ZSCAN25: variants seen among roughly 807,000 people sequenced by gnomAD.
The protein encoded by ZSCAN25 is zinc finger and SCAN domain-containing protein 25.
In ZSCAN25, 27 loss-of-function variants were observed where a neutral mutation model predicts 38.7. The observed-to-expected ratio is 0.70, with a 90% CI of 0.51 to 0.96. ZSCAN25 has a LOEUF of 0.96. Among genes scored for constraint, ZSCAN25 ranks in the 40% least tolerant of loss-of-function variants. The probability of loss-of-function intolerance (pLI) is 0.00; values close to 1 mark genes in which losing one functional copy is unlikely to be tolerated. For missense variants in ZSCAN25, 637 were observed against 705.9 expected, an observed-to-expected ratio of 0.90 and a Z score of 1.11; for synonymous variants, 273 against 277.7, an observed-to-expected ratio of 0.98 and a Z score of 0.17.
the ZSCAN25 span, among the ~76,000 whole-genome samples, chr7:99,697,344 A>G: frequency 3.9e-5 from 6 of 152,204 alleles, no homozygotes; most frequent in East Asian, 1.9e-4. Context: ...GAGGGGTGGA[A>G]GACTGGAGGA....
the ZSCAN25 span, among the ~76,000 whole-genome samples, chr7:99,658,347 G>A: frequency 3.9e-5 from 6 of 152,212 alleles, no homozygotes; most frequent in African/African-American, 1.4e-4. Flanking sequence ...ATGAAGCTTA[G>A]TTTGGCTGGA....
Position 99,630,689 on chromosome 7 carries a change from T to G in ZSCAN25, c.*669T>G. On this transcript the variant is annotated 3_prime_UTR_variant, in exon 8 of 8. Coordinates refer to ENST00000394152, the MANE Select transcript of ZSCAN25 (RefSeq NM_145115.3). Reference sequence around the variant, plus strand: ...TCTGCTCCCAGGCAACTGTGTGAATTTTACATTATTTGGAGCCTCATCTGT... The same window carrying G: ...TCTGCTCCCAGGCAACTGTGTGAATGTTACATTATTTGGAGCCTCATCTGT... 1 of 984,906 alleles carries G rather than the reference T, an allele frequency of 1.0e-6. No individual in the cohort carries two copies. Among genetic ancestry groups the G allele is most frequent in the Non-Finnish European group, 1.2e-6 (1 of 830,006 alleles). The allele number at this position is 984,906 out of a possible 1,614,324, so 61.0% of individuals were successfully genotyped here.
At chr7:99,731,186 T>C in the ZSCAN25 span, 1 of 1,612,692 alleles carries the variant, frequency 6.2e-7, no homozygotes, top group Non-Finnish European at 8.5e-7. Flanking sequence ...GTCTCAGGGA[T>C]TGTGACTTTA....
At chr7:99,669,175 G>A in the ZSCAN25 span, among the ~76,000 whole-genome samples, 2 of 152,128 alleles carry the variant, frequency 1.3e-5, no homozygotes, top group African/African-American at 4.8e-5. Flanking sequence ...ATGAAAAGTG[G>A]ACAAATGACT....
the ZSCAN25 span, among the ~76,000 whole-genome samples, chr7:99,699,722 T>C: frequency 6.6e-6 from 1 of 152,172 alleles, no homozygotes; most frequent in Non-Finnish European, 1.5e-5. Context: ...TCATTCCCAC[T>C]AACAAATGCT....
chr7:99,625,918 T>A (rs1807426624), intron 7 of ZSCAN25, among the ~76,000 whole-genome samples: 1 of 152,230 alleles, frequency 6.6e-6, no homozygotes. Flanking sequence ...CTGTCCCAGC[T>A]TTCAGGTCTT....
At chr7:99,676,060 A>G in the ZSCAN25 span, 2 of 1,492,012 alleles carry the variant, frequency 1.3e-6, no homozygotes, top group Non-Finnish European at 1.9e-6. Context: ...TACTGATGGA[A>G]CTAAGCTGAT....
Position 99,621,385 on chromosome 7 carries a change from AG to A in ZSCAN25, c.402del (p.Arg134SerfsTer77), listed in dbSNP as rs1562964436. The A allele has an allele frequency of 2.8e-6, 4 of 1,418,332 alleles. No homozygotes were observed. Among genetic ancestry groups the A allele is most frequent in the Non-Finnish European group, 2.8e-6 (3 of 1,071,062 alleles). The allele number at this position is 1,418,332 out of a possible 1,614,324, so 87.9% of individuals were successfully genotyped here. A position where few individuals can be genotyped will look rare whatever the true frequency, so the allele number is the denominator to read the frequency against. On this transcript the variant is annotated frameshift_variant, in exon 5 of 8. Transcript: ENST00000394152. LOFTEE classifies it high-confidence loss of function. ...ALEAKAVPCH[R>X]QGEQEETALC... ...GAACTGTTCTTAGGTTCCATGCCACAGGCAGGGAGAGCAGGAGGAAACAGCA... is the reference window on the plus strand; with the variant it reads ...GAACTGTTCTTAGGTTCCATGCCACAGCAGGGAGAGCAGGAGGAAACAGCA...
At chr7:99,633,711 G>A (rs187664556), downstream of ZSCAN25, among the ~76,000 whole-genome samples, 724 of 152,294 alleles carry the variant, frequency 4.8e-3, 5 homozygotes, top group Non-Finnish European at 7.2e-3. Flanking sequence ...GATTACAGGT[G>A]TGGGCCACTG....
At chr7:99,730,044 G>T in the ZSCAN25 span, among the ~76,000 whole-genome samples, 1 of 152,138 alleles carries the variant, frequency 6.6e-6, no homozygotes, top group Non-Finnish European at 1.5e-5. Context: ...CAAGCCTCAG[G>T]TATGCAGGTC....
chr7:99,640,222 G>A, the ZSCAN25 span, among the ~76,000 whole-genome samples: 7 of 152,156 alleles, frequency 4.6e-5, no homozygotes, highest in African/African-American at 1.4e-4. Context: ...GCAATGGTGC[G>A]ATCTTGGCTT....
chr7:99,640,935 C>T, the ZSCAN25 span, among the ~76,000 whole-genome samples: 1 of 152,174 alleles, frequency 6.6e-6, no homozygotes, highest in Non-Finnish European at 1.5e-5. Flanking sequence ...TTTGCTGCCA[C>T]ATACACTAGC....
the ZSCAN25 span, among the ~76,000 whole-genome samples, chr7:99,703,373 T>C: frequency 1.3e-5 from 2 of 152,340 alleles, no homozygotes; most frequent in Middle Eastern, 6.8e-3. Flanking sequence ...AATATGGTAT[T>C]CATAAGCCAA....
the ZSCAN25 span, among the ~76,000 whole-genome samples, chr7:99,673,301 G>T: frequency 6.6e-6 from 1 of 152,166 alleles, no homozygotes; most frequent in Non-Finnish European, 1.5e-5. Flanking sequence ...TCTCCCACTT[G>T]CTTCTAGTGA....
intron 6 of ZSCAN25, among the ~76,000 whole-genome samples, chr7:99,622,963 C>T (rs765264377): frequency 2.7e-4 from 41 of 152,168 alleles, no homozygotes; most frequent in Non-Finnish European, 1.2e-4. Flanking sequence ...CCTGCCACCT[C>T]GCCTGGCTAA....
At chr7:99,682,625 T>C in the ZSCAN25 span, among the ~76,000 whole-genome samples, 1 of 152,074 alleles carries the variant, frequency 6.6e-6, no homozygotes. Flanking sequence ...TGTGGTTCCA[T>C]ACAAATTTTA....
Position 99,629,695 on chromosome 7 carries a change from G to A in ZSCAN25, c.1310G>A (p.Trp437Ter). 6.2e-7 allele frequency: 1 copy of A among 1,614,120 alleles called. No individual in the cohort carries two copies. Among genetic ancestry groups the A allele is most frequent in the Non-Finnish European group, 8.5e-7 (1 of 1,180,032 alleles). ...GEKPYKCGDC[W>*]KSFSRRQHLQ... ...AAGCCCTACAAGTGCGGGGACTGCT[G>A]GAAGAGCTTCAGCCGCAGGCAGCAC... The change falls in exon 8 of 8, where the codon TGG becomes TAG. Residue 437 changes from tryptophan (W) to a stop codon, truncating the protein, a stop_gained. Transcript: ENST00000394152. LOFTEE classifies it high-confidence loss of function. This position sits in a 1 kb window ranked among gnomAD's most constrained non-coding sequence, Gnocchi z 5.6.
the ZSCAN25 span, chr7:99,685,328 A>G: frequency 6.6e-7 from 1 of 1,509,748 alleles, no homozygotes. Context: ...ATTGCTGACT[A>G]TGCACATAGT....
chr7:99,691,745 T>C, the ZSCAN25 span, among the ~76,000 whole-genome samples: 1 of 152,190 alleles, frequency 6.6e-6, no homozygotes, highest in African/African-American at 2.4e-5. Context: ...TCTGTTTGCT[T>C]AGTAGATCTT....
Sources: gnomAD v4.1 joint callset for allele counts (sites outside exome capture counted in the v4.1 genomes callset) on GRCh38, gnomAD v4.1.1 for gene constraint, Gnocchi (gnomAD v3.1) non-coding constraint, MANE v1.5 for transcripts, NCBI Gene and HGNC (gene_info 2026-07-23, HGNC 2026-07-21) for gene names.